The following RAD51D variants were observed in gnomAD, a reference collection of about 807,000 sequenced individuals.
RAD51D encodes the protein DNA repair protein RAD51 homolog 4.
In RAD51D, 38 loss-of-function variants were observed where a neutral mutation model predicts 44.1. The ratio of observed to expected loss-of-function variants is 0.86; its 90% CI spans 0.67 to 1.13. RAD51D has a LOEUF of 1.13. RAD51D is among the 50% of genes most tolerant of loss of function. The pLI is 0.00. For synonymous variants in RAD51D, 141 were observed against 166.6 expected, an observed-to-expected ratio of 0.85 and a Z score of 1.18; for missense variants, 390 against 414.0, an observed-to-expected ratio of 0.94 and a Z score of 0.50.
intron 3 of RAD51D, chr17:35,113,487 T>C: frequency 3.7e-5 from 12 of 320,618 alleles, no homozygotes; most frequent in South Asian, 2.7e-4. Flanking sequence ...CAGGCTGGTC[T>C]CAAACTCCTG....
chr17:35,116,455 T>C (rs1034758141), intron 3 of RAD51D, among the ~76,000 whole-genome samples: 1 of 152,214 alleles, frequency 6.6e-6, no homozygotes, highest in African/African-American at 2.4e-5. Flanking sequence ...AGTCCCAATT[T>C]CTTCACCTAT....
At chr17:35,115,443 G>A in intron 3 of RAD51D, 1 of 380,842 alleles carries the variant, frequency 2.6e-6, no homozygotes, top group Non-Finnish European at 5.3e-6. Flanking sequence ...CAGCACTAAA[G>A]GTTCTGAGGC....
At chr17:35,106,591 G>T in intron 5 of RAD51D, 110 bp from the exon 6 acceptor site, 1 of 809,184 alleles carries the variant, frequency 1.2e-6, no homozygotes, top group Non-Finnish European at 2.1e-6. Context: ...GGTCCAGGGT[G>T]GCAAATGAGC....
Position 35,118,405 on chromosome 17 carries a change from A to T in RAD51D, c.263+96T>A, listed in dbSNP as rs573193143. ...TCCCATCCATTATTGGTTAAAAAAA[A>T]AACCCCTCCCGTCTAGACTCAAGCA... On this transcript the variant is annotated intron_variant, in intron 3 of 9. Transcript: ENST00000345365. 4 of 1,050,606 alleles carry T rather than the reference A, an allele frequency of 3.8e-6. No individual in the cohort carries two copies. The East Asian group carries it at 9.4e-5, about 25-fold the overall frequency. The allele number at this position is 1,050,606 out of a possible 1,614,324, so 65.1% of individuals were successfully genotyped here. A position where few individuals can be genotyped will look rare whatever the true frequency, so the allele number is the denominator to read the frequency against.
intron 8 of RAD51D, 28 bp from the exon 9 acceptor site, chr17:35,101,393 A>G: frequency 6.2e-7 from 1 of 1,608,802 alleles, no homozygotes; most frequent in African/African-American, 1.3e-5. Flanking sequence ...TTACAGATCC[A>G]TAATGCTAGT....
chr17:35,106,935 A>C (rs2091611544), intron 5 of RAD51D, 53 bp downstream of exon 5: 1 of 1,613,556 alleles, frequency 6.2e-7, no homozygotes, highest in East Asian at 2.2e-5. Flanking sequence ...GTTAAGGGAT[A>C]ATGGGGTTTT....
intron 3 of RAD51D, 69 bp downstream of exon 3, chr17:35,118,432 C>T: frequency 7.3e-7 from 1 of 1,362,116 alleles, no homozygotes. Context: ...ACTCAAGCAT[C>T]AAAAGCAGAG....
In RAD51D at chr17:35,119,652, G is replaced by A. The variant is rs2091800937; in HGVS notation, c.-39C>T. 2 of 1,600,198 alleles carry A rather than the reference G, an allele frequency of 1.2e-6. No individual in the cohort carries two copies. Among genetic ancestry groups the A allele is most frequent in the Non-Finnish European group, 1.7e-6 (2 of 1,175,360 alleles). On this transcript the variant is annotated 5_prime_UTR_variant, in exon 1 of 10. It adds an upstream start codon to the 5' untranslated region. Coordinates refer to ENST00000345365, the MANE Select transcript of RAD51D (RefSeq NM_002878.4). ...CGGAACAGCCCCAGGGGGACTGCAC[G>A]TCACGTGGGCATTCGCGGGGGGTCC...
At position 35,119,092 on chromosome 17, in the gene RAD51D, G is replaced by GT; in HGVS notation, c.144+18dup. On this transcript the variant is annotated intron_variant, in intron 2 of 9. Coordinates refer to ENST00000345365, the MANE Select transcript of RAD51D (RefSeq NM_002878.4). ...TTAAAAAGACACTCAGGTTTGGAAT[G>GT]TGGAGATCAGGAGCTCACCTTGTAA... is the stretch of plus-strand genomic sequence containing the variant. 1 of 1,607,726 alleles carries GT rather than the reference G, an allele frequency of 6.2e-7. No individual in the cohort carries two copies. Among genetic ancestry groups the GT allele is most frequent in the Non-Finnish European group, 8.5e-7 (1 of 1,174,136 alleles).
In RAD51D at chr17:35,100,789, A is replaced by G. The variant is rs1294115160; in HGVS notation, c.*164T>C. 4.2e-6 allele frequency: 3 copies of G among 712,990 alleles called. No individual in the cohort carries two copies. The South Asian group carries it at 4.5e-5, about 11-fold the overall frequency. 44.2% of individuals were successfully genotyped at this position (712,990 alleles called of 1,614,324 possible). ...GCATCCTCTTTCGCCTGTGGTTTAT[A>G]TGCTTACAGAGAGTGAGGCCAAGGA... On this transcript the variant is annotated 3_prime_UTR_variant, in exon 10 of 10. Coordinates refer to ENST00000345365, the MANE Select transcript of RAD51D (RefSeq NM_002878.4).
rs1597861626 is a variant in RAD51D, at chr17:35,106,389, C to T, written c.573G>A (p.Gln191=). 6.2e-6 allele frequency: 10 copies of T among 1,612,902 alleles called. No individual in the cohort carries two copies. Among genetic ancestry groups the T allele is most frequent in the Non-Finnish European group, 8.5e-6 (10 of 1,179,416 alleles). ...VLQELRGTVA[Q]QVTGSSGTVK... ...AGGGGCAGAACAGCAGGCTCACCTGCTGGGCCACAGTGCCTCGGAGCTCCT... is the reference window on the plus strand; with the variant it reads ...AGGGGCAGAACAGCAGGCTCACCTGTTGGGCCACAGTGCCTCGGAGCTCCT... Residue 191 remains glutamine, a synonymous_variant, in exon 6 of 10, where the codon CAG becomes CAA. Coordinates refer to ENST00000345365, the MANE Select transcript of RAD51D (RefSeq NM_002878.4).
At chr17:35,101,510 A>T in intron 8 of RAD51D, 145 bp from the exon 9 acceptor site, 2 of 894,054 alleles carry the variant, frequency 2.2e-6, no homozygotes, top group Non-Finnish European at 3.6e-6. Flanking sequence ...CAGGTCTGGA[A>T]CTAGAACCTG....
Position 35,098,786 on chromosome 17 carries a change from G to A in RAD51D, c.*2167C>T, listed in dbSNP as rs1203781675. 1.3e-5 allele frequency: 2 copies of A among 152,064 alleles called. No homozygotes were observed. The highest frequency in any genetic ancestry group is 2.9e-5 in the Non-Finnish European group (2 of 68,030). The allele number at this position is 152,064 out of a possible 1,614,324, so 9.4% of individuals were successfully genotyped here. A position where few individuals can be genotyped will look rare whatever the true frequency, so the allele number is the denominator to read the frequency against. ...CCACCTCCATTCTGCCACTAGGACT[G>A]TCAGTCATCCTTTTTGAGCCTCAGG... On this transcript the variant is annotated 3_prime_UTR_variant, in exon 10 of 10. Transcript: ENST00000345365.
chr17:35,100,377 A>G lies in RAD51D; in HGVS notation c.*576T>C. 1.9e-6 allele frequency: 1 copy of G among 534,158 alleles called. No homozygotes were observed. Among genetic ancestry groups the G allele is most frequent in the Non-Finnish European group, 3.6e-6 (1 of 276,256 alleles). The allele number at this position is 534,158 out of a possible 1,614,324, so 33.1% of individuals were successfully genotyped here. ...TTCTAAGGGGAAATCAGGTGGCTCT[A>G]GGGCTCGGGGAATTGCCTTTTTATA... On this transcript the variant is annotated 3_prime_UTR_variant, in exon 10 of 10. Coordinates refer to ENST00000345365, the MANE Select transcript of RAD51D (RefSeq NM_002878.4).
Position 35,103,816 on chromosome 17 carries a change from C to T in RAD51D, c.577-272G>A, listed in dbSNP as rs1415221821. ...TAAAGTGGCTGGGCGCAGTGGCTCA[C>T]GCCTGTAATCCCAGCACTTTGGGAG... is the stretch of plus-strand genomic sequence containing the variant. On this transcript the variant is annotated intron_variant, in intron 6 of 9. Transcript: ENST00000345365. This position sits in a 1 kb window ranked among gnomAD's most constrained non-coding sequence, Gnocchi z 4.1. Among the ~76,000 whole-genome samples, 1 of 152,202 alleles carries T rather than the reference C, an allele frequency of 6.6e-6. No individual in the cohort carries two copies. The highest frequency in any genetic ancestry group is 1.5e-5 in the Non-Finnish European group (1 of 68,034).
In RAD51D at chr17:35,116,003, A is replaced by AAGAAAGAG. The variant is rs1177513061; in HGVS notation, c.263+2497_263+2498insCTCTTTCT. 9.9e-5 allele frequency among the ~76,000 whole-genome samples: 15 copies of AAGAAAGAG among 151,566 alleles called. 1 individual carries two copies. In the East Asian group the frequency reaches 1.4e-3, roughly 14 times the overall value. On this transcript the variant is annotated intron_variant, in intron 3 of 9. Coordinates refer to ENST00000345365, the MANE Select transcript of RAD51D (RefSeq NM_002878.4). The stretch of plus-strand genomic sequence containing the variant: ...AAAGAAAGAAAGAAAGAAAGAAAGA[A>AAGAAAGAG]AGAAAGAAAGGCTAGAAACCTGGTG...
At position 35,096,272 on chromosome 17, in the gene RAD51D, C is replaced by A. The variant is rs1025717797; in HGVS notation, c.*4681G>T. On this transcript the variant is annotated 3_prime_UTR_variant, in exon 10 of 10. Transcript: ENST00000345365. ...CTGGTCTGGAACTCCTGGCCTCAGG[C>A]GATCCTCCTACTTTGGCTTCCCAAA... The A allele has an allele frequency of 6.6e-6, 1 of 152,156 alleles. No homozygotes were observed. Among genetic ancestry groups the A allele is most frequent in the Admixed American group, 6.6e-5 (1 of 15,266 alleles). 9.4% of individuals were successfully genotyped at this position (152,156 alleles called of 1,614,324 possible).
chr17:35,098,310 T>C lies in RAD51D; in HGVS notation c.*2643A>G, dbSNP rs1165931902. On this transcript the variant is annotated 3_prime_UTR_variant, in exon 10 of 10. Transcript: ENST00000345365. ...AGTGCAGTGGCATGATCGCAGGTCA[T>C]TGCAACCTCTGCCTCCTGGGCTCAA... The C allele has an allele frequency of 6.6e-6, 1 of 151,890 alleles. No homozygotes were observed. The highest frequency in any genetic ancestry group is 1.5e-5 in the Non-Finnish European group (1 of 67,982). The allele number at this position is 151,890 out of a possible 1,614,324, so 9.4% of individuals were successfully genotyped here.
intron 3 of RAD51D, among the ~76,000 whole-genome samples, chr17:35,114,267 G>A (rs1323436941): frequency 6.6e-6 from 1 of 151,952 alleles, no homozygotes; most frequent in Non-Finnish European, 1.5e-5. Flanking sequence ...GCAAGATTCC[G>A]TCTCAAAAAA....
Sources: allele counts gnomAD v4.1 joint callset (sites outside exome capture counted in the v4.1 genomes callset), GRCh38; gene constraint gnomAD v4.1.1; non-coding constraint Gnocchi (gnomAD v3.1); transcripts MANE v1.5; gene names NCBI Gene and HGNC (gene_info 2026-07-23, HGNC 2026-07-21).